The following PDCD6IP variants were observed in gnomAD, a reference collection of about 807,000 sequenced individuals.
PDCD6IP encodes the protein programmed cell death 6-interacting protein.
A neutral mutation model predicts 103.7 loss-of-function variants in PDCD6IP; 43 were observed. The ratio of observed to expected loss-of-function variants is 0.41; its 90% CI spans 0.32 to 0.53. PDCD6IP has a LOEUF of 0.53. Among genes scored for constraint, PDCD6IP ranks in the 20% least tolerant of loss-of-function variants. The pLI is 0.16. For synonymous variants in PDCD6IP, 354 were observed against 378.7 expected (o/e 0.93, Z 0.76); for missense variants, 871 against 1,036.7 (o/e 0.84, Z 2.20).
chr3:33,868,883 G>T lies in PDCD6IP; in HGVS notation c.*2358G>T, dbSNP rs1350222038. 6.6e-6 allele frequency: 1 copy of T among 152,168 alleles called. No individual in the cohort carries two copies. Among genetic ancestry groups the T allele is most frequent in the Admixed American group, 6.5e-5 (1 of 15,278 alleles). 9.4% of individuals were successfully genotyped at this position (152,168 alleles called of 1,614,324 possible). On this transcript the variant is annotated 3_prime_UTR_variant, in exon 18 of 18. Coordinates refer to ENST00000307296, the MANE Select transcript of PDCD6IP (RefSeq NM_013374.6). ...GGAAAACACTGTCTAATTTTTATCA[G>T]TCTGGTATAAAGTATTGATCTAAGA...
chr3:33,842,401 G>C (rs1697495691), intron 10 of PDCD6IP, among the ~76,000 whole-genome samples: 1 of 152,096 alleles, frequency 6.6e-6, no homozygotes, highest in Non-Finnish European at 1.5e-5. Context: ...TGCATAGCAT[G>C]TAGCAAGATT....
chr3:33,799,055 G>C, intron 1 of PDCD6IP, 118 bp downstream of exon 1: 1 of 989,336 alleles, frequency 1.0e-6, no homozygotes, highest in Non-Finnish European at 1.4e-6. Context: ...GTCCCGGCCT[G>C]ACCAGGCGCG....
In PDCD6IP at chr3:33,805,537, C is replaced by T. The variant is rs1461151969; in HGVS notation, c.210-6535C>T. On this transcript the variant is annotated intron_variant, in intron 1 of 17. Transcript: ENST00000307296. The stretch of plus-strand genomic sequence containing the variant: ...GCAGCCTCGATCTCCTGGGCTCAAG[C>T]AATCCTACTTCAACCTCCCAAGTGG... Among the ~76,000 whole-genome samples the T allele has an allele frequency of 2.0e-5, 3 of 151,780 alleles. No homozygotes were observed. The East Asian group carries it at 5.8e-4, about 29-fold the overall frequency.
chr3:33,844,485 T>G (rs1559791007), intron 11 of PDCD6IP, among the ~76,000 whole-genome samples: 1 of 152,170 alleles, frequency 6.6e-6, no homozygotes, highest in Non-Finnish European at 1.5e-5. Context: ...TATTTTATTT[T>G]ATTTATTTTT....
intron 1 of PDCD6IP, 71 bp downstream of exon 1, chr3:33,799,008 C>G (rs1007787796): frequency 6.0e-5 from 81 of 1,344,036 alleles, no homozygotes; most frequent in Admixed American, 2.5e-4. Flanking sequence ...CCGTCTCCCC[C>G]CTTCCTTCAA....
At chr3:33,799,919 C>T (rs1696432665) in intron 1 of PDCD6IP, among the ~76,000 whole-genome samples, 1 of 151,740 alleles carries the variant, frequency 6.6e-6, no homozygotes, top group African/African-American at 2.4e-5. Context: ...AGGAGATCGA[C>T]ACCATCCTGG....
chr3:33,801,497 T>C (rs1273646352), intron 1 of PDCD6IP, among the ~76,000 whole-genome samples: 4 of 152,310 alleles, frequency 2.6e-5, no homozygotes, highest in East Asian at 1.9e-4. Flanking sequence ...ATAATGAGAA[T>C]GAGTACTTAA....
At chr3:33,842,212 G>C in intron 10 of PDCD6IP, 138 bp downstream of exon 10, 1 of 546,254 alleles carries the variant, frequency 1.8e-6, no homozygotes, top group Non-Finnish European at 3.3e-6. Context: ...CTGTGGCCCA[G>C]AGCCTTCTCT....
At chr3:33,841,729 C>T (rs543887110) in intron 9 of PDCD6IP, among the ~76,000 whole-genome samples, 168 bp from the exon 10 acceptor site, 91 of 152,272 alleles carry the variant, frequency 6.0e-4, no homozygotes, top group African/African-American at 2.0e-3. Context: ...TGAGCCACCG[C>T]GCCCGGCCTT....
intron 13 of PDCD6IP, among the ~76,000 whole-genome samples, chr3:33,853,282 C>T (rs922821439): frequency 1.4e-4 from 22 of 152,102 alleles, no homozygotes; most frequent in African/African-American, 5.3e-4. Flanking sequence ...CTTGATACTT[C>T]AGATATTTTT....
intron 1 of PDCD6IP, 99 bp from the exon 2 acceptor site, chr3:33,811,973 A>T (rs1189583761): frequency 1.4e-6 from 2 of 1,409,318 alleles, no homozygotes; most frequent in East Asian, 5.5e-5. Context: ...TGCTCAAAGT[A>T]AGCATGAATA....
chr3:33,858,172 C>G (rs959579964), intron 15 of PDCD6IP, among the ~76,000 whole-genome samples: 7 of 152,106 alleles, frequency 4.6e-5, no homozygotes, highest in African/African-American at 1.7e-4. Context: ...GACCCACTTA[C>G]AGTAGCAACA....
intron 3 of PDCD6IP, among the ~76,000 whole-genome samples, chr3:33,820,557 A>G (rs919262672): frequency 3.9e-5 from 6 of 151,908 alleles, no homozygotes; most frequent in Non-Finnish European, 5.9e-5. Flanking sequence ...TTGAACAACA[A>G]TCCCCCTCCC....
Position 33,828,754 on chromosome 3 carries a change from C to T in PDCD6IP, c.718-99C>T, listed in dbSNP as rs377551499. Reference sequence around the variant, plus strand: ...TCTCTAAACCATTAATGGGGTGATTCTAATTTCTGTCTTCTTTTCCTTTTT... The same window carrying T: ...TCTCTAAACCATTAATGGGGTGATTTTAATTTCTGTCTTCTTTTCCTTTTT... On this transcript the variant is annotated intron_variant, in intron 6 of 17. Transcript: ENST00000307296. 16 of 1,337,980 alleles carry T rather than the reference C, an allele frequency of 1.2e-5. No individual in the cohort carries two copies. The African/African-American group carries it at 2.3e-4, about 19-fold the overall frequency. The allele number at this position is 1,337,980 out of a possible 1,614,324, so 82.9% of individuals were successfully genotyped here. A position where few individuals can be genotyped will look rare whatever the true frequency, so the allele number is the denominator to read the frequency against.
intron 2 of PDCD6IP, among the ~76,000 whole-genome samples, chr3:33,812,577 A>C (rs1696743997): frequency 6.6e-6 from 1 of 152,212 alleles, no homozygotes; most frequent in South Asian, 2.1e-4. Context: ...TTTCTCCTTA[A>C]AGGCTAGATG....
rs368375025 is a variant in PDCD6IP, at chr3:33,822,065, G to A, written c.445G>A (p.Ala149Thr). Residue 149 changes from alanine (A) to threonine (T), a missense_variant, in exon 4 of 18, where the codon GCT (alanine) becomes ACT (threonine). By Grantham distance (58) the Ala-to-Thr change is moderately conservative. Coordinates refer to ENST00000307296, the MANE Select transcript of PDCD6IP (RefSeq NM_013374.6). ...GGATAATGATGAAGGATTGAAAATC[G>A]CTGCTAAACATTACCAGGTATGCTG... Reference protein sequence around the residue: ...NLDNDEGLKIAAKHYQFASGA... With the variant: ...NLDNDEGLKITAKHYQFASGA... The A allele has an allele frequency of 5.6e-6, 9 of 1,613,914 alleles. No homozygotes were observed. Among genetic ancestry groups the A allele is most frequent in the Non-Finnish European group, 7.6e-6 (9 of 1,179,970 alleles).
intron 7 of PDCD6IP, among the ~76,000 whole-genome samples, chr3:33,829,659 A>G (rs9850728): frequency 0.029 from 4,487 of 152,192 alleles, 79 homozygotes; most frequent in African/African-American, 0.052. Context: ...TGTTTTGAGT[A>G]TTGGTAGACA....
intron 9 of PDCD6IP, among the ~76,000 whole-genome samples, chr3:33,840,502 T>C (rs557125222): frequency 1.1e-4 from 17 of 152,344 alleles, no homozygotes; most frequent in African/African-American, 3.8e-4. Context: ...GATTAATGCA[T>C]GGATTTTACC....
intron 15 of PDCD6IP, among the ~76,000 whole-genome samples, chr3:33,856,538 G>C (rs1180454815): frequency 6.6e-6 from 1 of 152,120 alleles, no homozygotes; most frequent in Non-Finnish European, 1.5e-5. Flanking sequence ...AGAAAAACCA[G>C]ATAGAACAGT....
Sources: gnomAD v4.1 joint callset for allele counts (sites outside exome capture counted in the v4.1 genomes callset) on GRCh38, gnomAD v4.1.1 for gene constraint, MANE v1.5 for transcripts, NCBI Gene and HGNC (gene_info 2026-07-23, HGNC 2026-07-21) for gene names.